CIMIP2C: variants seen among roughly 807,000 people sequenced by gnomAD.
CIMIP2C encodes UPF0573 protein C2orf70.
At chr2:26,577,129 ATGCCCCGTACAG>A in the CIMIP2C span, among the ~76,000 whole-genome samples, 1 of 152,148 alleles carries the variant, frequency 6.6e-6, no homozygotes, top group Non-Finnish European at 1.5e-5. Context: ...TCAACAGAAC[ATGCCCCGTACAG>A]TGGGGAAGGA....
chr2:26,565,333 A>G, the CIMIP2C span, among the ~76,000 whole-genome samples: 1 of 152,076 alleles, frequency 6.6e-6, no homozygotes, highest in Admixed American at 6.6e-5. Flanking sequence ...TCAGATGATC[A>G]ACCCGCCTTG....
the CIMIP2C span, chr2:26,577,883 G>T: frequency 1.3e-5 from 6 of 472,358 alleles, no homozygotes; most frequent in Admixed American, 2.5e-4. Flanking sequence ...TTTGGGAGAA[G>T]CTCCGTAAGC....
the CIMIP2C span, chr2:26,577,996 G>T: frequency 5.8e-5 from 15 of 256,616 alleles, no homozygotes; most frequent in Admixed American, 2.7e-4. Flanking sequence ...GTAAGGAGCT[G>T]CTGCCCTCTG....
the CIMIP2C span, among the ~76,000 whole-genome samples, chr2:26,564,079 GACAA>G: frequency 6.6e-6 from 1 of 152,224 alleles, no homozygotes; most frequent in Admixed American, 6.5e-5. Flanking sequence ...GGAAGACAAA[GACAA>G]ACAAGTGAGG....
the CIMIP2C span, among the ~76,000 whole-genome samples, chr2:26,571,497 T>C: frequency 6.6e-6 from 1 of 152,162 alleles, no homozygotes; most frequent in Non-Finnish European, 1.5e-5. Flanking sequence ...CGAGTGAGGA[T>C]TGGGCTTGGG....
the CIMIP2C span, among the ~76,000 whole-genome samples, chr2:26,566,319 AG>A: frequency 6.6e-6 from 1 of 152,182 alleles, no homozygotes; most frequent in Admixed American, 6.5e-5. Flanking sequence ...CGGAGACTTC[AG>A]GGGCCTCTGG....
chr2:26,579,157 A>G, the CIMIP2C span: 1 of 923,028 alleles, frequency 1.1e-6, no homozygotes, highest in Non-Finnish European at 1.7e-6. Context: ...GTCCAGGGGG[A>G]CTTATCAGGT....
chr2:26,578,799 T>C, the CIMIP2C span: 2 of 471,140 alleles, frequency 4.2e-6, no homozygotes, highest in Admixed American at 2.3e-5. Flanking sequence ...CTTGCACTGC[T>C]GCTGACAGTT....
chr2:26,564,352 G>A, the CIMIP2C span, among the ~76,000 whole-genome samples: 2 of 152,202 alleles, frequency 1.3e-5, no homozygotes, highest in Non-Finnish European at 2.9e-5. Flanking sequence ...TTTGGCAGGG[G>A]TGGGAGCTGC....
the CIMIP2C span, among the ~76,000 whole-genome samples, chr2:26,565,522 G>A: frequency 4.6e-5 from 7 of 152,112 alleles, no homozygotes; most frequent in African/African-American, 7.2e-5. Context: ...CTCCCCAACC[G>A]TCATGTGGTG....
the CIMIP2C span, chr2:26,562,949 C>A: frequency 1.2e-5 from 6 of 507,144 alleles, no homozygotes; most frequent in South Asian, 1.3e-4. Flanking sequence ...GCATAAGGGA[C>A]CTCGCATGGA....
the CIMIP2C span, among the ~76,000 whole-genome samples, chr2:26,567,439 A>T: frequency 6.6e-6 from 1 of 152,250 alleles, no homozygotes; most frequent in Admixed American, 6.5e-5. Context: ...ACCCTGCAGA[A>T]CTATTAGTCA....
chr2:26,578,722 C>G, the CIMIP2C span: 1 of 470,946 alleles, frequency 2.1e-6, no homozygotes, highest in East Asian at 6.9e-5. Context: ...GGATCTGCCC[C>G]CCATCCCCAT....
the CIMIP2C span, among the ~76,000 whole-genome samples, chr2:26,567,957 G>A: frequency 6.6e-6 from 1 of 152,162 alleles, no homozygotes; most frequent in African/African-American, 2.4e-5. Flanking sequence ...ACTGGCAGGT[G>A]TGGTCCTGTT....
the CIMIP2C span, among the ~76,000 whole-genome samples, chr2:26,570,378 C>G: frequency 3.3e-5 from 5 of 152,224 alleles, no homozygotes; most frequent in African/African-American, 1.2e-4. Flanking sequence ...GGGCATGGTG[C>G]CCCCAGAGTT....
chr2:26,577,699 C>T, the CIMIP2C span: 23 of 1,076,850 alleles, frequency 2.1e-5, no homozygotes, highest in Admixed American at 1.7e-4. Context: ...CTCGGCCAGG[C>T]ATGCACAGCA....
At chr2:26,571,047 G>C in the CIMIP2C span, among the ~76,000 whole-genome samples, 6 of 152,272 alleles carry the variant, frequency 3.9e-5, no homozygotes, top group Middle Eastern at 3.4e-3. Flanking sequence ...TTTCAGTGGC[G>C]CTGAGTCTGT....
chr2:26,572,064 G>T, the CIMIP2C span: 1 of 1,528,426 alleles, frequency 6.5e-7, no homozygotes, highest in Non-Finnish European at 8.8e-7. Flanking sequence ...AACCATCAAA[G>T]GACTAAAGCC....
the CIMIP2C span, chr2:26,579,408 G>A: frequency 1.2e-6 from 2 of 1,614,064 alleles, no homozygotes; most frequent in Non-Finnish European, 1.7e-6. Flanking sequence ...AGCGGAAAAA[G>A]AGAGACTGCT....
Sources: allele counts gnomAD v4.1 joint callset (sites outside exome capture counted in the v4.1 genomes callset), GRCh38; gene constraint gnomAD v4.1.1; transcripts MANE v1.5; gene names NCBI Gene and HGNC (gene_info 2026-07-23, HGNC 2026-07-21).